Variants in NWD1 observed in about 807,000 individuals in gnomAD.
NWD1 encodes NACHT domain- and WD repeat-containing protein 1.
Under a neutral mutation model 135.1 loss-of-function variants are expected in NWD1, and 129 were observed. The observed-to-expected ratio is 0.96, with a 90% CI of 0.83 to 1.11. The LOEUF (loss-of-function observed/expected upper bound fraction) is 1.11. NWD1 is among the 50% of genes least tolerant of loss of function. The pLI is 0.00. For synonymous variants in NWD1, 773 were observed against 786.0 expected, an observed-to-expected ratio of 0.98 and a Z score of 0.28; for missense variants, 1,740 against 1,851.3, an observed-to-expected ratio of 0.94 and a Z score of 1.10.
intron 18 of NWD1, among the ~76,000 whole-genome samples, chr19:16,810,137 G>A (rs1403583377): frequency 6.6e-6 from 1 of 152,010 alleles, no homozygotes; most frequent in Non-Finnish European, 1.5e-5. Context: ...AAGGGCTGCT[G>A]CTTAAGAAAG....
Position 16,800,043 on chromosome 19 carries a change from G to A in NWD1, c.3617G>A (p.Arg1206Gln), listed in dbSNP as rs779146966. ...GATCTCAGCGATGCTCATAGGTCCC[G>A]GGTGCCTGCACCATTTCTGGACCGC... ...VWDLSDAHRSRVPAPFLDRTG... is the reference protein window; with the variant it reads ...VWDLSDAHRSQVPAPFLDRTG... The change falls in exon 17 of 19, where the codon CGG becomes CAG. Residue 1206 changes from arginine to glutamine, a missense_variant. Arg to Gln is a conservative substitution (Grantham distance 43). Coordinates refer to ENST00000524140, the MANE Select transcript of NWD1 (RefSeq NM_001007525.5). 74 of 1,614,052 alleles carry A rather than the reference G, an allele frequency of 4.6e-5. 1 individual carries two copies. The highest frequency in any genetic ancestry group is 5.5e-5 in the Non-Finnish European group (65 of 1,180,028).
chr19:16,764,887 C>T, intron 9 of NWD1, 147 bp from the exon 10 acceptor site: 1 of 867,840 alleles, frequency 1.2e-6, no homozygotes, highest in Non-Finnish European at 1.8e-6. Context: ...TAGTTCAGCC[C>T]CTTACCACAG....
intron 6 of NWD1, among the ~76,000 whole-genome samples, chr19:16,754,367 A>G (rs1003158335): frequency 7.9e-5 from 11 of 139,086 alleles, no homozygotes; most frequent in South Asian, 2.3e-4. Context: ...CATCATCTCT[A>G]TCATCCATCC....
At chr19:16,759,129 C>T in intron 6 of NWD1, 96 bp from the exon 7 acceptor site, 2 of 971,418 alleles carry the variant, frequency 2.1e-6, no homozygotes, top group Non-Finnish European at 3.3e-6. Context: ...CTGGACACCG[C>T]GCGGGTGGCT....
At chr19:16,780,978 G>C (rs545069260) in intron 12 of NWD1, among the ~76,000 whole-genome samples, 11 of 152,188 alleles carry the variant, frequency 7.2e-5, no homozygotes, top group African/African-American at 2.4e-4. Context: ...TTTTTTGATG[G>C]GAGGAGCTGC....
At chr19:16,744,781 C>T (rs1246999532) in intron 5 of NWD1, 63 bp downstream of exon 5, 2 of 1,391,386 alleles carry the variant, frequency 1.4e-6, no homozygotes, top group Non-Finnish European at 2.0e-6. Flanking sequence ...TCAGAATATC[C>T]ATCCCCTGTT....
chr19:16,815,635 G>T lies in NWD1; in HGVS notation c.*596G>T. 1 of 317,568 alleles carries T rather than the reference G, an allele frequency of 3.1e-6. No homozygotes were observed. Among genetic ancestry groups the T allele is most frequent in the South Asian group, 4.0e-5 (1 of 25,220 alleles). 19.7% of individuals were successfully genotyped at this position (317,568 alleles called of 1,614,324 possible). ...GCCTCAACTCTACTGGTCCCAATTG[G>T]CCCATACGCCTAGCCCTAAACCAAT... On this transcript the variant is annotated 3_prime_UTR_variant, in exon 19 of 19. Coordinates refer to ENST00000524140, the MANE Select transcript of NWD1 (RefSeq NM_001007525.5).
chr19:16,812,338 G>A (rs544117478), intron 18 of NWD1, among the ~76,000 whole-genome samples: 3 of 151,098 alleles, frequency 2.0e-5, no homozygotes, highest in African/African-American at 7.3e-5. Context: ...GTTCCTTGGG[G>A]CTGGTTTCCT....
intron 18 of NWD1, 150 bp downstream of exon 18, chr19:16,808,286 A>C: frequency 2.5e-5 from 18 of 707,804 alleles, no homozygotes; most frequent in Non-Finnish European, 3.7e-5. Context: ...GCAGTGGCTC[A>C]CGCCTGTAAT....
intron 6 of NWD1, among the ~76,000 whole-genome samples, 169 bp from the exon 7 acceptor site, chr19:16,759,056 T>C (rs960278164): frequency 6.9e-6 from 1 of 145,720 alleles, no homozygotes; most frequent in African/African-American, 2.5e-5. Flanking sequence ...CCTTGGTGGG[T>C]ATTGCCCTAA....
intron 18 of NWD1, chr19:16,812,605 G>T (rs1568401477): frequency 3.1e-6 from 2 of 639,848 alleles, no homozygotes; most frequent in Non-Finnish European, 5.7e-6. Flanking sequence ...GGAGGTGGAG[G>T]TTGCAGTGAG....
At chr19:16,725,345 G>A (rs2122666804) in intron 2 of NWD1, among the ~76,000 whole-genome samples, 1 of 151,396 alleles carries the variant, frequency 6.6e-6, no homozygotes, top group South Asian at 2.1e-4. Flanking sequence ...AGACGTGATG[G>A]TGCACACCTG....
intron 4 of NWD1, among the ~76,000 whole-genome samples, chr19:16,738,032 C>G (rs920505599): frequency 1.4e-5 from 2 of 147,596 alleles, no homozygotes; most frequent in East Asian, 1.9e-4. Context: ...CAGAGGCCAA[C>G]AAGCTATAGC....
intron 8 of NWD1, among the ~76,000 whole-genome samples, chr19:16,762,878 A>G (rs1480947571): frequency 6.6e-6 from 1 of 151,672 alleles, no homozygotes; most frequent in Non-Finnish European, 1.5e-5. Context: ...TCTGCCTCCC[A>G]GGTTCAAGCG....
chr19:16,733,057 A>G (rs1405607845), intron 3 of NWD1, among the ~76,000 whole-genome samples: 1 of 151,980 alleles, frequency 6.6e-6, no homozygotes, highest in Non-Finnish European at 1.5e-5. Context: ...TCCCGTCTCT[A>G]TAAAATTAAA....
chr19:16,775,711 C>T (rs973122015), intron 11 of NWD1, among the ~76,000 whole-genome samples: 2 of 152,072 alleles, frequency 1.3e-5, no homozygotes, highest in African/African-American at 4.8e-5. Flanking sequence ...TCTTGTCGCC[C>T]AGGCTGGAGT....
At chr19:16,722,352 G>A (rs529166500) in intron 1 of NWD1, among the ~76,000 whole-genome samples, 58 of 150,872 alleles carry the variant, frequency 3.8e-4, no homozygotes, top group Admixed American at 7.3e-4. Flanking sequence ...GCAATGGTGC[G>A]ATCTCAGCTC....
Position 16,736,622 on chromosome 19 carries a change from T to TGTCAGAC in NWD1, c.82-12_82-11insGTCAGAC, listed in dbSNP as rs1403896194. 1.3e-6 allele frequency: 2 copies of TGTCAGAC among 1,486,530 alleles called. No individual in the cohort carries two copies. The highest frequency in any genetic ancestry group is 1.4e-5 in the African/African-American group (1 of 72,048). 92.1% of individuals were successfully genotyped at this position (1,486,530 alleles called of 1,614,324 possible). A position where few individuals can be genotyped will look rare whatever the true frequency, so the allele number is the denominator to read the frequency against. On this transcript the variant is annotated splice_polypyrimidine_tract_variant and intron_variant, in intron 3 of 18. Transcript: ENST00000524140. ...GCCACCTCTCTGACAAACTTGTGTTTCTATTTCCCAGGTCGTTGATCTGAG... is the reference window on the plus strand; with the variant it reads ...GCCACCTCTCTGACAAACTTGTGTTTGTCAGACCTATTTCCCAGGTCGTTGATCTGAG...
chr19:16,753,911 A>T (rs932489555), intron 6 of NWD1, among the ~76,000 whole-genome samples: 4 of 147,760 alleles, frequency 2.7e-5, no homozygotes, highest in African/African-American at 1.0e-4. Context: ...TCTATCTTCC[A>T]TCCATCTATC....
Sources: allele counts gnomAD v4.1 joint callset (sites outside exome capture counted in the v4.1 genomes callset), GRCh38; gene constraint gnomAD v4.1.1; transcripts MANE v1.5; gene names NCBI Gene and HGNC (gene_info 2026-07-23, HGNC 2026-07-21).